The following EFCAB6 variants were observed in gnomAD, a reference collection of about 807,000 sequenced individuals.
The protein encoded by EFCAB6 is EF-hand calcium binding domain 6, also known as EF-hand calcium-binding domain-containing protein 6.
Under a neutral mutation model 169.8 loss-of-function variants are expected in EFCAB6, and 156 were observed. The ratio of observed to expected loss-of-function variants is 0.92; its 90% CI spans 0.81 to 1.05. The LOEUF (loss-of-function observed/expected upper bound fraction) is 1.05. Among genes scored for constraint, EFCAB6 ranks in the 50% least tolerant of loss-of-function variants. The pLI is 0.00. For synonymous variants in EFCAB6, 698 were observed against 676.4 expected, an observed-to-expected ratio of 1.03 and a Z score of -0.50; for missense variants, 1,800 against 1,829.1, an observed-to-expected ratio of 0.98 and a Z score of 0.29.
intron 8 of EFCAB6, among the ~76,000 whole-genome samples, chr22:43,718,175 A>G (rs1023088092): frequency 2.6e-5 from 4 of 152,178 alleles, no homozygotes; most frequent in African/African-American, 9.7e-5. Context: ...CGGGATTATT[A>G]TTTAGTGTTT....
intron 17 of EFCAB6, among the ~76,000 whole-genome samples, chr22:43,636,929 C>T (rs1170544251): frequency 6.6e-6 from 1 of 152,126 alleles, no homozygotes; most frequent in Non-Finnish European, 1.5e-5. Context: ...TTATTAACCA[C>T]TGTGATGAGA....
At position 43,763,745 on chromosome 22, in the gene EFCAB6, GTATT is replaced by G. The variant is rs764742911; in HGVS notation, c.440+1556_440+1559del. Among the ~76,000 whole-genome samples the G allele has an allele frequency of 4.0e-5, 6 of 151,826 alleles. No individual in the cohort carries two copies. The East Asian group carries it at 9.7e-4, about 24-fold the overall frequency. On this transcript the variant is annotated intron_variant, in intron 5 of 31. Transcript: ENST00000262726. ...GTTTTTTTTCAATGAACTAGATAGT[GTATT>G]TATAATTTCAACTTTTATTTTTTAT...
At chr22:43,686,303 C>T (rs944240849) in intron 11 of EFCAB6, among the ~76,000 whole-genome samples, 1 of 151,090 alleles carries the variant, frequency 6.6e-6, no homozygotes. Flanking sequence ...TTTTTTTTTT[C>T]AGAATTATAT....
chr22:43,742,336 G>A (rs2060405178), intron 6 of EFCAB6, among the ~76,000 whole-genome samples: 1 of 152,164 alleles, frequency 6.6e-6, no homozygotes, highest in South Asian at 2.1e-4. Flanking sequence ...ATCGTCTAGG[G>A]ACTGCTTTCC....
At chr22:43,667,575 T>C (rs370216282) in intron 16 of EFCAB6, among the ~76,000 whole-genome samples, 1 of 152,090 alleles carries the variant, frequency 6.6e-6, no homozygotes, top group African/African-American at 2.4e-5. Context: ...CAGTTATGCT[T>C]TGAGCTGGCC....
chr22:43,799,284 C>G (rs1230907440), intron 2 of EFCAB6, among the ~76,000 whole-genome samples: 1 of 151,792 alleles, frequency 6.6e-6, no homozygotes, highest in African/African-American at 2.4e-5. Context: ...GAGCTATGAT[C>G]ACACTGCTGC....
chr22:43,760,463 T>C (rs920710702), intron 5 of EFCAB6, among the ~76,000 whole-genome samples: 1 of 152,212 alleles, frequency 6.6e-6, no homozygotes, highest in East Asian at 1.9e-4. Context: ...AATGTCTAGA[T>C]AGGCATTTCT....
chr22:43,534,999 A>G, intron 29 of EFCAB6, 127 bp from the exon 30 acceptor site: 2 of 968,316 alleles, frequency 2.1e-6, no homozygotes, highest in Non-Finnish European at 3.0e-6. Flanking sequence ...ACATCAAAGA[A>G]CTCACGGTTG....
At chr22:43,809,852 C>T (rs541270644) in intron 1 of EFCAB6, among the ~76,000 whole-genome samples, 3 of 151,578 alleles carry the variant, frequency 2.0e-5, no homozygotes, top group East Asian at 1.9e-4. Flanking sequence ...GTGATCCAAC[C>T]GCCTCGGCCT....
At position 43,537,220 on chromosome 22, in the gene EFCAB6, G is replaced by A; in HGVS notation, c.4048+157C>T. On this transcript the variant is annotated intron_variant, in intron 29 of 31. Coordinates refer to ENST00000262726, the MANE Select transcript of EFCAB6 (RefSeq NM_022785.4). This position sits in a 1 kb window ranked among gnomAD's most constrained non-coding sequence, Gnocchi z 4.3. The stretch of plus-strand genomic sequence containing the variant: ...GGAATCCTCCTCCATGGGGACCTTT[G>A]TATAGTAAGCTGCACAGCCCACCCA... The A allele has an allele frequency of 3.4e-6, 3 of 892,022 alleles. No homozygotes were observed. Among genetic ancestry groups the A allele is most frequent in the South Asian group, 1.8e-5 (1 of 55,614 alleles). The allele number at this position is 892,022 out of a possible 1,614,324, so 55.3% of individuals were successfully genotyped here.
rs1308758221 is a variant in EFCAB6, at chr22:43,795,135, C to T, written c.-7-12810G>A. ...ACAAACCTAGAAATCAAATGAAAAACAACAAACTGCGGAAAGTGAATATAT... is the reference window on the plus strand; with the variant it reads ...ACAAACCTAGAAATCAAATGAAAAATAACAAACTGCGGAAAGTGAATATAT... On this transcript the variant is annotated intron_variant, in intron 2 of 31. Coordinates refer to ENST00000262726, the MANE Select transcript of EFCAB6 (RefSeq NM_022785.4). This position sits in a 1 kb window ranked among gnomAD's most constrained non-coding sequence, Gnocchi z 4.2. Among the ~76,000 whole-genome samples the T allele has an allele frequency of 6.6e-6, 1 of 152,102 alleles. No homozygotes were observed. Among genetic ancestry groups the T allele is most frequent in the Non-Finnish European group, 1.5e-5 (1 of 68,020 alleles).
At chr22:43,723,159 T>G (rs1350945044) in intron 8 of EFCAB6, among the ~76,000 whole-genome samples, 2 of 152,164 alleles carry the variant, frequency 1.3e-5, no homozygotes, top group African/African-American at 2.4e-5. Context: ...TGTTCAAACT[T>G]TAAGGGATGA....
chr22:43,551,125 C>T (rs181526846), intron 27 of EFCAB6, among the ~76,000 whole-genome samples: 10 of 152,262 alleles, frequency 6.6e-5, no homozygotes, highest in African/African-American at 2.4e-4. Context: ...ACTGTCCTGG[C>T]GTCTTCTGCG....
intron 22 of EFCAB6, among the ~76,000 whole-genome samples, chr22:43,606,280 T>A (rs2052912574): frequency 2.0e-5 from 3 of 152,238 alleles, no homozygotes; most frequent in African/African-American, 7.2e-5. Flanking sequence ...ATACAGCACT[T>A]AATTACCAAG....
intron 5 of EFCAB6, among the ~76,000 whole-genome samples, chr22:43,761,945 T>G (rs1318584659): frequency 2.6e-5 from 4 of 152,248 alleles, no homozygotes; most frequent in African/African-American, 9.6e-5. Flanking sequence ...GTTCTCATTC[T>G]TTGTCTCTTC....
rs548647072 is a variant in EFCAB6, at chr22:43,613,893, G to A, written c.2562+1933C>T. Among the ~76,000 whole-genome samples the A allele has an allele frequency of 1.8e-4, 28 of 152,232 alleles. 1 individual carries two copies. Among genetic ancestry groups the A allele is most frequent in the African/African-American group, 6.5e-4 (27 of 41,524 alleles). ...TGTTATCCCAGCTACTTGGGAGGCT[G>A]AGGTAGGAGGACCACTTGAAGCCAG... On this transcript the variant is annotated intron_variant, in intron 21 of 31. Transcript: ENST00000262726.
intron 31 of EFCAB6, chr22:43,530,601 C>T (rs1297902476): frequency 1.0e-6 from 1 of 985,296 alleles, no homozygotes; most frequent in African/African-American, 1.7e-5. Context: ...ACGCAGGGCT[C>T]CAGCAACCTT....
chr22:43,804,223 C>G (rs901690853), intron 2 of EFCAB6, among the ~76,000 whole-genome samples: 26 of 152,038 alleles, frequency 1.7e-4, no homozygotes, highest in African/African-American at 5.8e-4. Flanking sequence ...CCTGAATGAC[C>G]GATGAATCAA....
In EFCAB6 at chr22:43,687,551, A is replaced by C; in HGVS notation, c.1062T>G (p.Asn354Lys). ...GAAATGATGTTAGAAATTGCTTCCAATTGATTTTAGTGGTGGCTTTAAGTC... is the reference window on the plus strand; with the variant it reads ...GAAATGATGTTAGAAATTGCTTCCACTTGATTTTAGTGGTGGCTTTAAGTC... The part of the protein sequence containing the change: ...RFGLKATTKI[N>K]WKQFLTSFHE... The change falls in exon 11 of 32, where the codon AAT (asparagine) becomes AAG (lysine). Residue 354 changes from asparagine to lysine, a missense_variant. By Grantham distance (94) the Asn-to-Lys change is moderately conservative (BLOSUM62 0). Coordinates refer to ENST00000262726, the MANE Select transcript of EFCAB6 (RefSeq NM_022785.4). 1 of 1,605,656 alleles carries C rather than the reference A, an allele frequency of 6.2e-7. No individual in the cohort carries two copies. The highest frequency in any genetic ancestry group is 1.1e-5 in the South Asian group (1 of 88,132).
Sources: allele counts gnomAD v4.1 joint callset (sites outside exome capture counted in the v4.1 genomes callset), GRCh38; gene constraint gnomAD v4.1.1; non-coding constraint Gnocchi (gnomAD v3.1); transcripts MANE v1.5; gene names NCBI Gene and HGNC (gene_info 2026-07-23, HGNC 2026-07-21).